The following SLC5A11 variants were observed in gnomAD, a reference collection of about 807,000 sequenced individuals.
SLC5A11 encodes the protein solute carrier family 5 member 11.
A neutral mutation model predicts 69.8 loss-of-function variants in SLC5A11; 48 were observed. The observed-to-expected ratio is 0.69, with a 90% confidence interval of 0.55 to 0.87. SLC5A11 has a LOEUF of 0.87. SLC5A11 is among the 40% of genes least tolerant of loss of function. The probability of loss-of-function intolerance (pLI) is 0.00; values close to 1 mark genes in which losing one functional copy is unlikely to be tolerated. For missense variants in SLC5A11, 784 were observed against 866.1 expected (o/e 0.91, Z 1.19); for synonymous variants, 319 against 342.4 (o/e 0.93, Z 0.75).
intron 2 of SLC5A11, among the ~76,000 whole-genome samples, chr16:24,861,554 GAAAA>G (rs1451026342): frequency 7.6e-6 from 1 of 131,636 alleles, no homozygotes; most frequent in Non-Finnish European, 1.6e-5. Context: ...AAAAATAAAA[GAAAA>G]GAAAGAAAGA....
chr16:24,900,741 G>A (rs139273775), intron 10 of SLC5A11, among the ~76,000 whole-genome samples: 50 of 151,884 alleles, frequency 3.3e-4, no homozygotes, highest in East Asian at 1.7e-3. Context: ...TACCAGACCC[G>A]CTCTCTACCA....
chr16:24,884,513 G>GTTTTTTTTTTTTTTT (rs10572531), intron 8 of SLC5A11, among the ~76,000 whole-genome samples: 15 of 110,272 alleles, frequency 1.4e-4, no homozygotes, highest in African/African-American at 4.6e-4. Context: ...TTTTTATTTT[G>GTTTTTTTTTTTTTTT]TTTTTTTTTT....
In SLC5A11 at chr16:24,910,298, C is replaced by T. The variant is rs1197250172; in HGVS notation, c.1651-8C>T. 2 of 1,613,778 alleles carry T rather than the reference C, an allele frequency of 1.2e-6. No homozygotes were observed. The highest frequency in any genetic ancestry group is 1.7e-6 in the Non-Finnish European group (2 of 1,179,842). Reference sequence around the variant, plus strand: ...CCACAAATCTCATCATTCATCCCTGCTCCTTAGGTCAGCCACCTGACCTGG... The same window carrying T: ...CCACAAATCTCATCATTCATCCCTGTTCCTTAGGTCAGCCACCTGACCTGG... On this transcript the variant is annotated splice_polypyrimidine_tract_variant and splice_region_variant and intron_variant, in intron 14 of 15. Coordinates refer to ENST00000347898, the Ensembl canonical transcript of SLC5A11.
At chr16:24,852,498 C>T (rs541197989) in intron 1 of SLC5A11, among the ~76,000 whole-genome samples, 3 of 152,248 alleles carry the variant, frequency 2.0e-5, no homozygotes, top group East Asian at 3.9e-4. Context: ...TTTGTTATAA[C>T]ACAAGCTGCC....
chr16:24,873,317 T>G (rs1392673085), intron 5 of SLC5A11, among the ~76,000 whole-genome samples: 1 of 144,366 alleles, frequency 6.9e-6, no homozygotes, highest in Non-Finnish European at 1.5e-5. Context: ...AAATATAATG[T>G]ACCCTGCAAG....
chr16:24,905,011 C>T (rs2049914197), intron 10 of SLC5A11, among the ~76,000 whole-genome samples: 1 of 151,964 alleles, frequency 6.6e-6, no homozygotes, highest in Non-Finnish European at 1.5e-5. Context: ...TATTGTTCAA[C>T]TCCCACTTAT....
chr16:24,874,620 G>A (rs577046211), intron 5 of SLC5A11, among the ~76,000 whole-genome samples: 4 of 152,104 alleles, frequency 2.6e-5, no homozygotes, highest in South Asian at 2.1e-4. Flanking sequence ...GTGCAGTGGC[G>A]TGCCCTCAGC....
intron 10 of SLC5A11, among the ~76,000 whole-genome samples, chr16:24,903,825 G>A (rs909570227): frequency 2.0e-5 from 3 of 152,162 alleles, no homozygotes; most frequent in Non-Finnish European, 4.4e-5. Flanking sequence ...AATAAATGGG[G>A]TGCAGGTATC....
intron 12 of SLC5A11, among the ~76,000 whole-genome samples, chr16:24,907,697 A>C: frequency 7.2e-6 from 1 of 139,142 alleles, no homozygotes; most frequent in African/African-American, 2.8e-5. Context: ...ACAGAGTGAG[A>C]CTCTGTCTCA....
chr16:24,869,905 G>A (rs2047163628), exon 4 of SLC5A11: 5 of 1,613,618 alleles, frequency 3.1e-6, no homozygotes, highest in Non-Finnish European at 4.2e-6. Context: ...CCACAGGTGG[G>A]TGCATCCTTG....
chr16:24,861,173 T>C (rs972003407), intron 2 of SLC5A11, among the ~76,000 whole-genome samples: 7 of 152,058 alleles, frequency 4.6e-5, no homozygotes, highest in African/African-American at 1.7e-4. Flanking sequence ...TCTTTTTGTA[T>C]TAAGGATATT....
Position 24,866,575 on chromosome 16 carries a change from T to TA in SLC5A11, c.208-3311dup, listed in dbSNP as rs34838038. Among the ~76,000 whole-genome samples the TA allele has an allele frequency of 4.0e-3, 503 of 125,976 alleles. 4 individuals carry two copies. Among genetic ancestry groups the TA allele is most frequent in the African/African-American group, 0.011 (361 of 33,140 alleles). 82.6% of individuals were successfully genotyped at this position (125,976 alleles called of 152,430 possible). A position where few individuals can be genotyped will look rare whatever the true frequency, so the allele number is the denominator to read the frequency against. The stretch of plus-strand genomic sequence containing the variant: ...GCCTGGGCAACAGTGAGATCCTGTC[T>TA]AAAAAAAAAAAAAAAGATACGAATG... On this transcript the variant is annotated intron_variant, in intron 3 of 15. Transcript: ENST00000347898.
chr16:24,866,874 T>C (rs561541949), intron 3 of SLC5A11, among the ~76,000 whole-genome samples: 130 of 152,150 alleles, frequency 8.5e-4, no homozygotes, highest in African/African-American at 3.0e-3. Flanking sequence ...AGACTCCCAA[T>C]ATATATGAAG....
At chr16:24,908,936 T>C (rs2050283869) in exon 14 of SLC5A11, 1 of 1,614,148 alleles carries the variant, frequency 6.2e-7, no homozygotes, top group Non-Finnish European at 8.5e-7. Flanking sequence ...AGGCTGGTCC[T>C]GGACTTTATT....
chr16:24,901,395 G>T (rs923232057), intron 10 of SLC5A11, among the ~76,000 whole-genome samples: 1 of 152,070 alleles, frequency 6.6e-6, no homozygotes, highest in Non-Finnish European at 1.5e-5. Flanking sequence ...CAGGCAGATC[G>T]CTCGAGCTCA....
intron 5 of SLC5A11, 100 bp downstream of exon 6, chr16:24,872,319 A>G (rs1180908633): frequency 7.3e-7 from 1 of 1,374,588 alleles, no homozygotes; most frequent in Non-Finnish European, 1.0e-6. Context: ...CCTCCTGCCC[A>G]TGGTCATGTA....
rs34838038 is a variant in SLC5A11 at position 24,866,575 on chromosome 16, TAA to T, written c.208-3312_208-3311del. On this transcript the variant is annotated intron_variant, in intron 3 of 15. Coordinates refer to ENST00000347898, the Ensembl canonical transcript of SLC5A11. Reference sequence around the variant, plus strand: ...GCCTGGGCAACAGTGAGATCCTGTCTAAAAAAAAAAAAAAAGATACGAATGAC... The same window carrying T: ...GCCTGGGCAACAGTGAGATCCTGTCTAAAAAAAAAAAAAGATACGAATGAC... Among the ~76,000 whole-genome samples the T allele has an allele frequency of 8.4e-3, 1,063 of 125,982 alleles. 6 individuals carry two copies. Among genetic ancestry groups the T allele is most frequent in the Non-Finnish European group, 0.013 (790 of 59,844 alleles). The allele number at this position is 125,982 out of a possible 152,430, so 82.6% of individuals were successfully genotyped here. A position where few individuals can be genotyped will look rare whatever the true frequency, so the allele number is the denominator to read the frequency against.
At chr16:24,901,921 GAA>G (rs1380185049) in intron 10 of SLC5A11, among the ~76,000 whole-genome samples, 60 of 135,192 alleles carry the variant, frequency 4.4e-4, no homozygotes, top group African/African-American at 1.4e-3. Flanking sequence ...CCCATCTCTG[GAA>G]AAAAAAATAC....
At chr16:24,903,836 C>T (rs79522493) in intron 10 of SLC5A11, among the ~76,000 whole-genome samples, 194 of 152,174 alleles carry the variant, frequency 1.3e-3, no homozygotes, top group African/African-American at 4.4e-3. Flanking sequence ...TGCAGGTATC[C>T]ATTTGCTATA....
Sources: allele counts gnomAD v4.1 joint callset (sites outside exome capture counted in the v4.1 genomes callset), GRCh38; gene constraint gnomAD v4.1.1; transcripts MANE v1.5; gene names NCBI Gene and HGNC (gene_info 2026-07-23, HGNC 2026-07-21).